The following FAM135B variants were observed in gnomAD, a reference collection of about 807,000 sequenced individuals.
The protein encoded by FAM135B is family with sequence similarity 135 member B.
FAM135B carries 43 observed loss-of-function variants against 127.7 expected under a neutral mutation model. That is an observed-to-expected ratio of 0.34 (90% CI 0.26 to 0.43). FAM135B has a LOEUF of 0.43. Ranked by LOEUF, FAM135B falls within the 20% of genes least tolerant of loss-of-function variation. The pLI is 1.00. For missense variants in FAM135B, 1,558 were observed against 1,725.6 expected, an observed-to-expected ratio of 0.90 and a Z score of 1.72; for synonymous variants, 670 against 665.1, an observed-to-expected ratio of 1.01 and a Z score of -0.11.
intron 2 of FAM135B, among the ~76,000 whole-genome samples, chr8:138,361,627 C>T (rs1272238069): frequency 6.6e-6 from 1 of 152,164 alleles, no homozygotes; most frequent in Non-Finnish European, 1.5e-5. Flanking sequence ...TTGACACTCA[C>T]ATCCCTACAT....
intron 3 of FAM135B, among the ~76,000 whole-genome samples, chr8:138,295,500 T>C (rs1825419520): frequency 6.6e-6 from 1 of 152,162 alleles, no homozygotes. Flanking sequence ...AGGAACTGGA[T>C]ATTTTTTACA....
intron 9 of FAM135B, among the ~76,000 whole-genome samples, chr8:138,187,879 A>G (rs574674759): frequency 7.0e-4 from 107 of 152,254 alleles, no homozygotes; most frequent in African/African-American, 2.4e-3. Context: ...GAGAAAGGAG[A>G]GGGGCTGGGG....
At chr8:138,209,726 T>G (rs990308201) in intron 7 of FAM135B, among the ~76,000 whole-genome samples, 1 of 152,224 alleles carries the variant, frequency 6.6e-6, no homozygotes, top group Non-Finnish European at 1.5e-5. Context: ...GGCTCTGGTT[T>G]CTGGTCCCTC....
At chr8:138,351,687 T>C (rs1418609225) in intron 2 of FAM135B, among the ~76,000 whole-genome samples, 1 of 148,368 alleles carries the variant, frequency 6.7e-6, no homozygotes, top group Non-Finnish European at 1.5e-5. Context: ...GCAGATCTTT[T>C]TTTTTTTTTT....
chr8:138,209,872 C>G (rs1304326773), intron 7 of FAM135B, among the ~76,000 whole-genome samples: 1 of 152,172 alleles, frequency 6.6e-6, no homozygotes, highest in African/African-American at 2.4e-5. Flanking sequence ...CAGCCTGGCT[C>G]AAAAGCCAAG....
At chr8:138,150,721 G>C (rs184353663) in intron 13 of FAM135B, among the ~76,000 whole-genome samples, 191 of 151,820 alleles carry the variant, frequency 1.3e-3, no homozygotes, top group Non-Finnish European at 1.5e-3. Flanking sequence ...AAATTTAAAG[G>C]TTCATTTGTA....
chr8:138,275,868 C>T (rs1349428684), intron 3 of FAM135B, among the ~76,000 whole-genome samples: 6 of 152,104 alleles, frequency 3.9e-5, no homozygotes, highest in African/African-American at 9.7e-5. Context: ...TGCTGTATCC[C>T]GGCCCGGCAA....
rs1185626618 is a variant in FAM135B, at chr8:138,242,254, C to A, written c.669+688G>T. ...GTATTGGTCCTGTTTCTCTGGAGAACCCTGAATAATACAGGCTGTTTATTT... is the reference window on the plus strand; with the variant it reads ...GTATTGGTCCTGTTTCTCTGGAGAAACCTGAATAATACAGGCTGTTTATTT... On this transcript the variant is annotated intron_variant, in intron 7 of 19. Transcript: ENST00000395297. The surrounding 1 kb of genome is among the most constrained non-coding windows in gnomAD (Gnocchi z 9.6). Among the ~76,000 whole-genome samples the A allele has an allele frequency of 2.0e-5, 3 of 148,766 alleles. No homozygotes were observed. Among genetic ancestry groups the A allele is most frequent in the East Asian group, 3.9e-4 (2 of 5,070 alleles).
chr8:138,247,915 G>A (rs1477035594), intron 6 of FAM135B, among the ~76,000 whole-genome samples: 1 of 152,178 alleles, frequency 6.6e-6, no homozygotes, highest in Non-Finnish European at 1.5e-5. Flanking sequence ...CTTATCCTCT[G>A]GATGTAGCAC....
rs1204299938 is a variant in FAM135B at position 138,242,101 on chromosome 8, C to G, written c.669+841G>C. Reference sequence around the variant, plus strand: ...CACTCTTGGGTCTCCAGCTTGCTGACTGAAGATTTGGGGGCTTCTCAGCCT... The same window carrying G: ...CACTCTTGGGTCTCCAGCTTGCTGAGTGAAGATTTGGGGGCTTCTCAGCCT... On this transcript the variant is annotated intron_variant, in intron 7 of 19. Coordinates refer to ENST00000395297, the MANE Select transcript of FAM135B (RefSeq NM_015912.4). The surrounding 1 kb of genome is among the most constrained non-coding windows in gnomAD (Gnocchi z 9.6). Among the ~76,000 whole-genome samples, 2 of 151,548 alleles carry G rather than the reference C, an allele frequency of 1.3e-5. No individual in the cohort carries two copies. Among genetic ancestry groups the G allele is most frequent in the East Asian group, 3.9e-4 (2 of 5,142 alleles).
At chr8:138,493,464 A>G (rs1043591424) in intron 1 of FAM135B, among the ~76,000 whole-genome samples, 4 of 152,166 alleles carry the variant, frequency 2.6e-5, no homozygotes, top group Admixed American at 2.0e-4. Context: ...TGGCAATTAC[A>G]TCTATCATTT....
intron 1 of FAM135B, among the ~76,000 whole-genome samples, chr8:138,436,376 T>C (rs893433791): frequency 6.6e-6 from 1 of 152,074 alleles, no homozygotes; most frequent in Non-Finnish European, 1.5e-5. Flanking sequence ...CACTGTGATA[T>C]GAGAGGGTGA....
intron 1 of FAM135B, among the ~76,000 whole-genome samples, chr8:138,382,334 T>C (rs763530967): frequency 1.3e-5 from 2 of 152,196 alleles, no homozygotes; most frequent in Non-Finnish European, 2.9e-5. Context: ...CTCTGCTTAA[T>C]GCCAATCCTC....
intron 3 of FAM135B, among the ~76,000 whole-genome samples, chr8:138,275,524 T>G (rs1230844454): frequency 6.6e-6 from 1 of 151,742 alleles, no homozygotes; most frequent in Non-Finnish European, 1.5e-5. Flanking sequence ...ATCGCTATAA[T>G]TTTTTTTGTG....
chr8:138,274,109 A>G (rs1465038257), intron 3 of FAM135B, among the ~76,000 whole-genome samples: 1 of 152,172 alleles, frequency 6.6e-6, no homozygotes, highest in African/African-American at 2.4e-5. Context: ...CTAGTGAAAT[A>G]CTTCCTTGTC....
chr8:138,433,254 C>T lies in FAM135B; in HGVS notation c.-20+63417G>A, dbSNP rs554494386. On this transcript the variant is annotated intron_variant, in intron 1 of 19. Coordinates refer to ENST00000395297, the MANE Select transcript of FAM135B (RefSeq NM_015912.4). ...AGATTATTAAGGCCGGGCACGGTGGCTCATGCCTGTAAATCCCAGCACTTT... is the reference window on the plus strand; with the variant it reads ...AGATTATTAAGGCCGGGCACGGTGGTTCATGCCTGTAAATCCCAGCACTTT... 2.0e-5 allele frequency among the ~76,000 whole-genome samples: 3 copies of T among 152,176 alleles called. No individual in the cohort carries two copies. In the South Asian group the frequency reaches 6.2e-4, roughly 32 times the overall value.
intron 2 of FAM135B, among the ~76,000 whole-genome samples, chr8:138,331,229 G>A (rs1828151744): frequency 6.6e-6 from 1 of 152,126 alleles, no homozygotes; most frequent in Admixed American, 6.5e-5. Flanking sequence ...TCCAATCACA[G>A]ACACATTATT....
chr8:138,251,125 C>T (rs1365385618), intron 5 of FAM135B, 111 bp from the exon 6 acceptor site: 1 of 1,231,234 alleles, frequency 8.1e-7, no homozygotes, highest in Non-Finnish European at 1.1e-6. Flanking sequence ...CATACATCAT[C>T]TCGTTCAATC....
At chr8:138,399,045 G>T (rs555823162) in intron 1 of FAM135B, among the ~76,000 whole-genome samples, 15 of 152,242 alleles carry the variant, frequency 9.9e-5, no homozygotes, top group Admixed American at 9.2e-4. Context: ...ATTAATAAAA[G>T]AATAACAGGA....
Sources: gnomAD v4.1 joint callset for allele counts (sites outside exome capture counted in the v4.1 genomes callset) on GRCh38, gnomAD v4.1.1 for gene constraint, Gnocchi (gnomAD v3.1) non-coding constraint, MANE v1.5 for transcripts, NCBI Gene and HGNC (gene_info 2026-07-23, HGNC 2026-07-21) for gene names.